The following SLC24A1 variants were observed in gnomAD, a reference collection of about 807,000 sequenced individuals.
SLC24A1 encodes solute carrier family 24 member 1, also known as sodium/potassium/calcium exchanger 1.
SLC24A1 carries 52 observed loss-of-function variants against 88.1 expected under a neutral mutation model. That is an observed-to-expected ratio of 0.59 (90% CI 0.47 to 0.74). The LOEUF (loss-of-function observed/expected upper bound fraction) is 0.74. SLC24A1 is among the 30% of genes least tolerant of loss of function. The pLI, the probability that SLC24A1 is intolerant of heterozygous loss-of-function variation, is 0.00. For missense variants in SLC24A1, 1,173 were observed against 1,363.3 expected, an observed-to-expected ratio of 0.86 and a Z score of 2.20; for synonymous variants, 455 against 498.0, an observed-to-expected ratio of 0.91 and a Z score of 1.15.
In SLC24A1 at chr15:65,644,418, C is replaced by T. The variant is rs181756009; in HGVS notation, c.2054-9C>T. 1.3e-4 allele frequency: 210 copies of T among 1,568,892 alleles called. 2 individuals carry two copies. The South Asian group carries it at 1.6e-3, about 12-fold the overall frequency. On this transcript the variant is annotated splice_polypyrimidine_tract_variant and intron_variant, in intron 4 of 9. Transcript: ENST00000261892. ...TCCAGGTAAGATGTATGTCCTGTCT[C>T]ATTTGCAGTTCGCCTTGCCAAGGAG...
chr15:65,611,383 G>A (rs1303153139), upstream of SLC24A1: 4 of 597,432 alleles, frequency 6.7e-6, no homozygotes, highest in East Asian at 1.1e-4. Context: ...CCTTGGCTGG[G>A]TTTCCTGCCG....
chr15:65,620,628 C>G (rs529849522), upstream of SLC24A1, among the ~76,000 whole-genome samples: 1 of 152,064 alleles, frequency 6.6e-6, no homozygotes, highest in Non-Finnish European at 1.5e-5. Flanking sequence ...TTACCCCCAG[C>G]GGGTAGGATT....
intron 2 of SLC24A1, among the ~76,000 whole-genome samples, chr15:65,632,390 A>T (rs1053916604): frequency 1.3e-5 from 2 of 152,168 alleles, no homozygotes; most frequent in Admixed American, 6.5e-5. Context: ...AGCAGGGTGG[A>T]TGGTAGTGGC....
chr15:65,635,756 T>G (rs2074912878), intron 2 of SLC24A1, among the ~76,000 whole-genome samples: 1 of 152,214 alleles, frequency 6.6e-6, no homozygotes, highest in Non-Finnish European at 1.5e-5. Context: ...TTCTACCTAT[T>G]TCAGAAAGCT....
intron 1 of SLC24A1, 107 bp from the exon 2 acceptor site, chr15:65,623,848 A>G (rs1194206568): frequency 2.1e-6 from 1 of 477,356 alleles, no homozygotes; most frequent in African/African-American, 2.0e-5. Context: ...CATGCATGAT[A>G]CTTTTGTGTT....
In SLC24A1 at chr15:65,623,946, C is replaced by G. The variant is rs1338727568; in HGVS notation, c.-126-9C>G. The stretch of plus-strand genomic sequence containing the variant: ...AGTGGTAAATAATCTCTTTTTTTTA[C>G]CCACCTAGGGTTGTGGATACCCCCT... On this transcript the variant is annotated splice_polypyrimidine_tract_variant and intron_variant, in intron 1 of 9. Transcript: ENST00000261892. 2.9e-6 allele frequency: 2 copies of G among 680,756 alleles called. No homozygotes were observed. The highest frequency in any genetic ancestry group is 5.5e-5 in the Admixed American group (2 of 36,152). 42.2% of individuals were successfully genotyped at this position (680,756 alleles called of 1,614,324 possible).
chr15:65,650,661 C>G lies in SLC24A1; in HGVS notation c.2512C>G (p.His838Asp). 1 of 1,546,946 alleles carries G rather than the reference C, an allele frequency of 6.5e-7. No individual in the cohort carries two copies. The highest frequency in any genetic ancestry group is 8.7e-7 in the Non-Finnish European group (1 of 1,144,000). Reference protein sequence around the residue: ...TESQELSAENHGEAKNDEKGV... With the variant: ...TESQELSAENDGEAKNDEKGV... ...AAGCCAGGAACTCAGTGCTGAAAATCACGGTGAAGCCAAAAATGATGAGAA... is the reference window on the plus strand; with the variant it reads ...AAGCCAGGAACTCAGTGCTGAAAATGACGGTGAAGCCAAAAATGATGAGAA... The change falls in exon 7 of 10, where the codon CAC becomes GAC. Residue 838 changes from histidine (H) to aspartate (D), a missense_variant. His to Asp is a moderately conservative substitution (Grantham distance 81). Transcript: ENST00000261892. The surrounding 1 kb of genome is among the most constrained non-coding windows in gnomAD (Gnocchi z 4.1).
In SLC24A1 at chr15:65,654,119, C is replaced by G; in HGVS notation, c.*40C>G. 6.3e-7 allele frequency: 1 copy of G among 1,590,606 alleles called. No homozygotes were observed. The highest frequency in any genetic ancestry group is 1.2e-5 in the South Asian group (1 of 86,928). ...CTCACAATGGGCATGGATCAGAAGA[C>G]CATGCAGAAGTTACTGTATCTCTTG... On this transcript the variant is annotated 3_prime_UTR_variant, in exon 10 of 10. Coordinates refer to ENST00000261892, the MANE Select transcript of SLC24A1 (RefSeq NM_004727.3).
chr15:65,636,578 TC>T (rs1441606693), intron 2 of SLC24A1, among the ~76,000 whole-genome samples: 1 of 151,472 alleles, frequency 6.6e-6, no homozygotes. Flanking sequence ...CAAAACTCTG[TC>T]TAAAAAAATA....
Position 65,624,621 on chromosome 15 carries a change from C to T in SLC24A1, c.541C>T (p.Gln181Ter), listed in dbSNP as rs1566946454. The T allele has an allele frequency of 6.3e-7, 1 of 1,593,738 alleles. No individual in the cohort carries two copies. Among genetic ancestry groups the T allele is most frequent in the African/African-American group, 1.3e-5 (1 of 74,356 alleles). Residue 181 changes from glutamine to a stop codon, truncating the protein, a stop_gained, in exon 2 of 10, where the codon CAA becomes TAA. Transcript: ENST00000261892. LOFTEE classifies it high-confidence loss of function. The stretch of plus-strand genomic sequence containing the variant: ...AGAAATGAAGAGCTACAGCCCAACT[C>T]AAGTGAGGGAAAAGGTGAAGTATAC... Reference protein sequence around the residue: ...RGEMKSYSPTQVREKVKYTPS... With the variant: ...RGEMKSYSPT
At position 65,654,179 on chromosome 15, in the gene SLC24A1, A is replaced by G; in HGVS notation, c.*100A>G. 1 of 1,513,918 alleles carries G rather than the reference A, an allele frequency of 6.6e-7. No individual in the cohort carries two copies. The allele number at this position is 1,513,918 out of a possible 1,614,324, so 93.8% of individuals were successfully genotyped here. ...TGAAAGAATGTATATGATCCTGGAAAGTGAACTGGGTGACCTAGGACCTCT... is the reference window on the plus strand; with the variant it reads ...TGAAAGAATGTATATGATCCTGGAAGGTGAACTGGGTGACCTAGGACCTCT... On this transcript the variant is annotated 3_prime_UTR_variant, in exon 10 of 10. Transcript: ENST00000261892.
At position 65,650,855 on chromosome 15, in the gene SLC24A1, T is replaced by C. The variant is rs1178706841; in HGVS notation, c.2706T>C (p.Pro902=). The C allele has an allele frequency of 6.2e-7, 1 of 1,613,900 alleles. No homozygotes were observed. Among genetic ancestry groups the C allele is most frequent in the East Asian group, 2.2e-5 (1 of 44,876 alleles). ...AAGAGCCTCTGTCCCTGGACTGGCCTGAAACCAGGCAGAAGCAGGCCATTT... is the reference window on the plus strand; with the variant it reads ...AAGAGCCTCTGTCCCTGGACTGGCCCGAAACCAGGCAGAAGCAGGCCATTT... ...GNEEPLSLDW[P]ETRQKQAIYL... is the part of the protein sequence containing the mutation. Residue 902 remains proline, a synonymous_variant, in exon 7 of 10, where the codon CCT becomes CCC. Coordinates refer to ENST00000261892, the MANE Select transcript of SLC24A1 (RefSeq NM_004727.3). This position sits in a 1 kb window ranked among gnomAD's most constrained non-coding sequence, Gnocchi z 4.1.
In SLC24A1 at chr15:65,625,759, G is replaced by T; in HGVS notation, c.1679G>T (p.Arg560Leu). ...AACCTCACCTGGTGGCCCTTATTCC[G>T]TGATGTCTCCTTCTACATCCTTGAC... The part of the protein sequence containing the change: ...ILNLTWWPLF[R>L]DVSFYILDLI... Residue 560 changes from arginine to leucine, a missense_variant, in exon 2 of 10, where the codon CGT (arginine) becomes CTT (leucine). Transcript: ENST00000261892. The T allele has an allele frequency of 6.2e-7, 1 of 1,613,972 alleles. No individual in the cohort carries two copies. Among genetic ancestry groups the T allele is most frequent in the South Asian group, 1.1e-5 (1 of 91,080 alleles).
intron 2 of SLC24A1, among the ~76,000 whole-genome samples, chr15:65,635,536 A>G (rs1043098558): frequency 6.6e-6 from 1 of 151,754 alleles, no homozygotes; most frequent in Non-Finnish European, 1.5e-5. Flanking sequence ...GGCTGGGCCA[A>G]TGGGTTCAGT....
chr15:65,625,833 G>T lies in SLC24A1; in HGVS notation c.1753G>T (p.Glu585Ter). 2.5e-6 allele frequency: 4 copies of T among 1,613,994 alleles called. No homozygotes were observed. The highest frequency in any genetic ancestry group is 3.4e-6 in the Non-Finnish European group (4 of 1,179,876). Residue 585 changes from glutamate to a stop codon, truncating the protein, a stop_gained, in exon 2 of 10, where the codon GAG becomes TAG. Coordinates refer to ENST00000261892, the MANE Select transcript of SLC24A1 (RefSeq NM_004727.3). LOFTEE classifies it high-confidence loss of function. ...CCTGGACAGCCTCATTGCCTGGTGG[G>T]AGAGCCTGCTGCTGCTGCTGGCCTA... Reference protein sequence around the residue: ...FFLDSLIAWWESLLLLLAYAF... With the variant: ...FFLDSLIAWW
At position 65,650,520 on chromosome 15, in the gene SLC24A1, G is replaced by A. The variant is rs2075459852; in HGVS notation, c.2371G>A (p.Gly791Arg). The A allele has an allele frequency of 1.3e-6, 2 of 1,551,640 alleles. No individual in the cohort carries two copies. Among genetic ancestry groups the A allele is most frequent in the Admixed American group, 2.0e-5 (1 of 50,944 alleles). Residue 791 changes from glycine to arginine, a missense_variant, in exon 7 of 10, where the codon GGA becomes AGA. Gly to Arg is a moderately radical substitution (Grantham distance 125, BLOSUM62 -2). Coordinates refer to ENST00000261892, the MANE Select transcript of SLC24A1 (RefSeq NM_004727.3). This position sits in a 1 kb window ranked among gnomAD's most constrained non-coding sequence, Gnocchi z 4.1. The stretch of plus-strand genomic sequence containing the variant: ...AGGTGAAACTGAAACACAAGGAAAA[G>A]GAGAAGAATGTGAAGATGAAAATGA... Reference protein sequence around the residue: ...GEGETETQGKGEECEDENEAE... With the variant: ...GEGETETQGKREECEDENEAE...
chr15:65,629,895 G>A lies in SLC24A1; in HGVS notation c.1890+3925G>A, dbSNP rs751646496. Among the ~76,000 whole-genome samples the A allele has an allele frequency of 3.3e-5, 5 of 152,172 alleles. No homozygotes were observed. In the South Asian group the frequency reaches 6.2e-4, roughly 19 times the overall value. ...AGCTCCGTACCCACACTCTTCCCTC[G>A]AGAATACTCCTGGGGAAAAGTCTGC... On this transcript the variant is annotated intron_variant, in intron 2 of 9. Transcript: ENST00000261892.
At chr15:65,659,295 G>A (rs1411488898), downstream of SLC24A1, 2 of 113,374 alleles carry the variant, frequency 1.8e-5, 1 homozygote, top group East Asian at 6.9e-4. Context: ...TTTGTATAGA[G>A]TTATTTTAAA....
intron 6 of SLC24A1, among the ~76,000 whole-genome samples, chr15:65,649,973 A>G (rs1456786370): frequency 1.3e-5 from 2 of 152,246 alleles, no homozygotes; most frequent in African/African-American, 4.8e-5. Flanking sequence ...AGGAGGCTCT[A>G]GGCCATAGCA....
Sources: gnomAD v4.1 joint callset for allele counts (sites outside exome capture counted in the v4.1 genomes callset) on GRCh38, gnomAD v4.1.1 for gene constraint, Gnocchi (gnomAD v3.1) non-coding constraint, MANE v1.5 for transcripts, NCBI Gene and HGNC (gene_info 2026-07-23, HGNC 2026-07-21) for gene names.